Variants in GABRG3 observed in about 807,000 individuals in gnomAD.
GABRG3 encodes gamma-aminobutyric acid receptor subunit gamma-3.
A neutral mutation model predicts 48.8 loss-of-function variants in GABRG3; 25 were observed. That is an observed-to-expected ratio of 0.51 (90% confidence interval 0.37 to 0.72). The LOEUF is 0.72. Among genes scored for constraint, GABRG3 ranks in the 30% least tolerant of loss-of-function variants. The probability of loss-of-function intolerance (pLI) is 0.00; values close to 1 mark genes in which losing one functional copy is unlikely to be tolerated. For synonymous variants in GABRG3, 227 were observed against 217.6 expected, an observed-to-expected ratio of 1.04 and a Z score of -0.38; for missense variants, 394 against 577.9, an observed-to-expected ratio of 0.68 and a Z score of 3.26.
At chr15:27,524,861 A>G (rs1026597511) in intron 7 of GABRG3, among the ~76,000 whole-genome samples, 3 of 152,180 alleles carry the variant, frequency 2.0e-5, no homozygotes, top group Non-Finnish European at 4.4e-5. Flanking sequence ...CATCTTAAAT[A>G]TTAATAACTA....
In GABRG3 at chr15:27,350,656, G is replaced by A. The variant is rs555720746; in HGVS notation, c.574+21768G>A. Among the ~76,000 whole-genome samples, 29 of 152,292 alleles carry A rather than the reference G, an allele frequency of 1.9e-4. No homozygotes were observed. The South Asian group carries it at 6.0e-3, about 32-fold the overall frequency. On this transcript the variant is annotated intron_variant, in intron 5 of 9. Coordinates refer to ENST00000615808, the MANE Select transcript of GABRG3 (RefSeq NM_033223.5). Reference sequence around the variant, plus strand: ...CATCAACACCACCAGGGCCAGCGCTGGAGGATGGACGGTGCATGATGGGCC... The same window carrying A: ...CATCAACACCACCAGGGCCAGCGCTAGAGGATGGACGGTGCATGATGGGCC...
chr15:27,520,118 G>T lies in GABRG3; in HGVS notation c.859G>T (p.Ala287Ser). The T allele has an allele frequency of 6.3e-7, 1 of 1,594,178 alleles. No homozygotes were observed. The highest frequency in any genetic ancestry group is 8.5e-7 in the Non-Finnish European group (1 of 1,172,388). ...IKKDATPARTALGITTVLTMT... is the reference protein window; with the variant it reads ...IKKDATPARTSLGITTVLTMT... Reference sequence around the variant, plus strand: ...AAAAGATGCTACGCCAGCAAGAACAGCATTAGGTGAGTTTCAAAAAATCTC... The same window carrying T: ...AAAAGATGCTACGCCAGCAAGAACATCATTAGGTGAGTTTCAAAAAATCTC... The change falls in exon 7 of 10, where the codon GCA (alanine) becomes TCA (serine). Residue 287 changes from alanine (A) to serine (S), a missense_variant. Physicochemically the swap from Ala to Ser is moderately conservative, Grantham distance 99 (BLOSUM62 1). This residue lies in a region of GABRG3 where 50 missense variants were observed against 112.5 expected (regional missense o/e 0.44). Coordinates refer to ENST00000615808, the MANE Select transcript of GABRG3 (RefSeq NM_033223.5).
At position 27,366,970 on chromosome 15, in the gene GABRG3, C is replaced by T. The variant is rs542992345; in HGVS notation, c.574+38082C>T. 7.4e-4 allele frequency among the ~76,000 whole-genome samples: 113 copies of T among 152,300 alleles called. 2 individuals carry two copies. In the South Asian group the frequency reaches 0.022, roughly 30 times the overall value. On this transcript the variant is annotated intron_variant, in intron 5 of 9. Coordinates refer to ENST00000615808, the MANE Select transcript of GABRG3 (RefSeq NM_033223.5). ...TTCCTACTATGGGGGCATCGGGACC[C>T]TCTGTCAGCTCACTTCCCTATCCCC...
chr15:27,321,054 T>C (rs565555204), intron 3 of GABRG3, among the ~76,000 whole-genome samples: 1 of 152,274 alleles, frequency 6.6e-6, no homozygotes, highest in East Asian at 1.9e-4. Context: ...TCCTCTGGGC[T>C]CTGATGTGGC....
chr15:27,212,178 G>A (rs1889100218), intron 3 of GABRG3, among the ~76,000 whole-genome samples: 1 of 152,186 alleles, frequency 6.6e-6, no homozygotes. Flanking sequence ...GTCTTCCCAG[G>A]ACCTAAAGGG....
At chr15:27,297,872 A>C (rs1566762153) in intron 3 of GABRG3, among the ~76,000 whole-genome samples, 2 of 151,618 alleles carry the variant, frequency 1.3e-5, no homozygotes, top group African/African-American at 4.9e-5. Context: ...ATATAGGAGT[A>C]AAGTTCTATA....
chr15:27,257,337 C>T (rs1890652298), intron 3 of GABRG3, among the ~76,000 whole-genome samples: 1 of 152,114 alleles, frequency 6.6e-6, no homozygotes, highest in Admixed American at 6.5e-5. Context: ...TATTTTCCCA[C>T]ATTCTATAGG....
chr15:27,185,142 C>A (rs995355086), intron 3 of GABRG3, among the ~76,000 whole-genome samples: 2 of 151,844 alleles, frequency 1.3e-5, no homozygotes, highest in Admixed American at 6.6e-5. Context: ...TGATTTGAGA[C>A]CTTCTTTCCT....
chr15:27,045,306 T>TC (rs573306059), intron 3 of GABRG3, among the ~76,000 whole-genome samples: 136 of 152,312 alleles, frequency 8.9e-4, no homozygotes, highest in African/African-American at 3.1e-3. Context: ...TGCAAAGGCC[T>TC]CGTGCTAGGT....
chr15:27,276,086 A>G lies in GABRG3; in HGVS notation c.271-50723A>G, dbSNP rs569005195. Among the ~76,000 whole-genome samples, 5 of 152,306 alleles carry G rather than the reference A, an allele frequency of 3.3e-5. No individual in the cohort carries two copies. In the East Asian group the frequency reaches 9.7e-4, roughly 29 times the overall value. On this transcript the variant is annotated intron_variant, in intron 3 of 9. Transcript: ENST00000615808. ...GAACGAGCAAAGGCTGTTCATTCAGAGTTGCTTTAGTAAGGGAGATCAGCC... is the reference window on the plus strand; with the variant it reads ...GAACGAGCAAAGGCTGTTCATTCAGGGTTGCTTTAGTAAGGGAGATCAGCC...
At position 27,254,610 on chromosome 15, in the gene GABRG3, C is replaced by T. The variant is rs542140780; in HGVS notation, c.271-72199C>T. Among the ~76,000 whole-genome samples the T allele has an allele frequency of 1.2e-3, 176 of 152,054 alleles. 1 individual carries two copies. Among genetic ancestry groups the T allele is most frequent in the South Asian group, 7.3e-3 (35 of 4,806 alleles). ...GCCCACCTCCTGGTTTATAGGTGGC[C>T]GTTTTCTCACTCTAACCTCACATGG... On this transcript the variant is annotated intron_variant, in intron 3 of 9. Coordinates refer to ENST00000615808, the MANE Select transcript of GABRG3 (RefSeq NM_033223.5).
At chr15:27,298,672 T>A (rs570286973) in intron 3 of GABRG3, among the ~76,000 whole-genome samples, 3 of 152,228 alleles carry the variant, frequency 2.0e-5, no homozygotes, top group South Asian at 2.1e-4. Context: ...AATTTTTTTT[T>A]TATATTTCCA....
intron 3 of GABRG3, among the ~76,000 whole-genome samples, chr15:27,116,621 G>T (rs1039014506): frequency 2.6e-5 from 4 of 152,208 alleles, no homozygotes; most frequent in Non-Finnish European, 4.4e-5. Flanking sequence ...TACTATGGTT[G>T]CAGTGTTTGT....
intron 3 of GABRG3, among the ~76,000 whole-genome samples, chr15:27,308,223 C>CAT (rs202031656): frequency 0.07 from 1,013 of 14,480 alleles, 384 homozygotes; most frequent in African/African-American, 0.24. Context: ...CATATATAAA[C>CAT]ATGTTTATAT....
At chr15:27,120,612 G>A (rs138021028) in intron 3 of GABRG3, among the ~76,000 whole-genome samples, 26 of 152,084 alleles carry the variant, frequency 1.7e-4, no homozygotes, top group African/African-American at 5.8e-4. Flanking sequence ...GTCTAATTGC[G>A]TGTGGGCCTT....
intron 3 of GABRG3, among the ~76,000 whole-genome samples, chr15:27,074,281 G>A (rs901966901): frequency 1.3e-5 from 2 of 152,146 alleles, no homozygotes; most frequent in Non-Finnish European, 2.9e-5. Flanking sequence ...TTCTTACTGA[G>A]TGTTGACCAG....
intron 3 of GABRG3, among the ~76,000 whole-genome samples, chr15:27,225,913 A>G (rs1889597791): frequency 6.6e-6 from 1 of 152,142 alleles, no homozygotes; most frequent in South Asian, 2.1e-4. Flanking sequence ...CCCAGATGAG[A>G]GACCCAGAGC....
In GABRG3 at chr15:27,026,812, A is replaced by C; in HGVS notation, c.261A>C (p.Ser87=). The change falls in exon 3 of 10, where the codon TCA becomes TCC. Residue 87 remains serine (S), a synonymous_variant. Coordinates refer to ENST00000615808, the MANE Select transcript of GABRG3 (RefSeq NM_033223.5). ...TTAACAGCATTGGTCCTGTGTCATC[A>C]ATAAACATGGTAAGAAGCTCCTTTA... ...IYVNSIGPVS[S]INMEYQIDIF... is the part of the protein sequence containing the mutation. The C allele has an allele frequency of 6.2e-7, 1 of 1,606,456 alleles. No individual in the cohort carries two copies. The highest frequency in any genetic ancestry group is 8.5e-7 in the Non-Finnish European group (1 of 1,177,264).
intron 5 of GABRG3, among the ~76,000 whole-genome samples, chr15:27,329,217 T>G (rs907770916): frequency 1.3e-5 from 2 of 152,230 alleles, no homozygotes; most frequent in Non-Finnish European, 2.9e-5. Flanking sequence ...AATTCCTATG[T>G]AATATTTTAG....
Sources: allele counts gnomAD v4.1 joint callset (sites outside exome capture counted in the v4.1 genomes callset), GRCh38; gene constraint gnomAD v4.1.1; regional missense constraint gnomAD v4.1.1; transcripts MANE v1.5; gene names NCBI Gene and HGNC (gene_info 2026-07-23, HGNC 2026-07-21).